IGFBP3: variants seen among roughly 807,000 people sequenced by gnomAD.
IGFBP3 encodes insulin like growth factor binding protein 3.
A neutral mutation model predicts 28.6 loss-of-function variants in IGFBP3; 9 were observed. The ratio of observed to expected loss-of-function variants is 0.31; its 90% CI spans 0.19 to 0.55. The LOEUF (loss-of-function observed/expected upper bound fraction) is 0.55, where lower values mean the gene tolerates loss of function less well. IGFBP3 is among the 20% of genes least tolerant of loss of function. IGFBP3 has a pLI of 0.93. For missense variants in IGFBP3, 382 were observed against 428.9 expected, an observed-to-expected ratio of 0.89 and a Z score of 0.97; for synonymous variants, 185 against 188.2, an observed-to-expected ratio of 0.98 and a Z score of 0.14.
At chr7:45,918,400 G>A (rs1048613353) in intron 1 of IGFBP3, among the ~76,000 whole-genome samples, 1 of 152,186 alleles carries the variant, frequency 6.6e-6, no homozygotes, top group South Asian at 2.1e-4. Flanking sequence ...AGTTGAATTG[G>A]AATTTTAAGT....
At position 45,921,236 on chromosome 7, in the gene IGFBP3, G is replaced by A. The variant is rs1417592750; in HGVS notation, c.-96C>T. On this transcript the variant is annotated 5_prime_UTR_variant, in exon 1 of 5. Transcript: ENST00000613132. ...AAGCTGTGGAATCCAGGCAGGAAGC[G>A]GCTGATCCTCAGCGCCCAGCCGCAG... 2.9e-6 allele frequency: 4 copies of A among 1,387,404 alleles called. No homozygotes were observed. The highest frequency in any genetic ancestry group is 2.0e-5 in the Admixed American group (1 of 49,028). The allele number at this position is 1,387,404 out of a possible 1,614,324, so 85.9% of individuals were successfully genotyped here. A position where few individuals can be genotyped will look rare whatever the true frequency, so the allele number is the denominator to read the frequency against.
chr7:45,916,841 C>G (rs1174641541), intron 2 of IGFBP3, among the ~76,000 whole-genome samples, 174 bp from the exon 3 acceptor site: 1 of 152,192 alleles, frequency 6.6e-6, no homozygotes, highest in Non-Finnish European at 1.5e-5. Flanking sequence ...CCATCACTCC[C>G]TGTCTCCTTT....
chr7:45,917,899 GA>G (rs892016897), intron 1 of IGFBP3, among the ~76,000 whole-genome samples: 2 of 152,182 alleles, frequency 1.3e-5, no homozygotes, highest in African/African-American at 4.8e-5. Context: ...CTCCACTCCG[GA>G]AACGCTGGAG....
intron 4 of IGFBP3, chr7:45,914,431 G>A (rs192163626): frequency 3.2e-5 from 5 of 157,894 alleles, no homozygotes; most frequent in East Asian, 3.7e-4. Flanking sequence ...AGGTTCTTGC[G>A]GATTAAAACG....
rs1784558154 is a variant in IGFBP3 at position 45,912,547 on chromosome 7, G to A, written c.*1303C>T. On this transcript the variant is annotated 3_prime_UTR_variant, in exon 5 of 5. Transcript: ENST00000613132. ...ACACCGAGGTCTGCAGCAGGGCAGA[G>A]TCTCCCTGAGCCTGACTTTGCCAGA... 1 of 152,536 alleles carries A rather than the reference G, an allele frequency of 6.6e-6. No individual in the cohort carries two copies. The highest frequency in any genetic ancestry group is 2.4e-5 in the African/African-American group (1 of 41,448). 9.4% of individuals were successfully genotyped at this position (152,536 alleles called of 1,614,324 possible). A position where few individuals can be genotyped will look rare whatever the true frequency, so the allele number is the denominator to read the frequency against.
Position 45,920,827 on chromosome 7 carries a change from T to G in IGFBP3, c.314A>C (p.Gln105Pro). 1 of 1,408,074 alleles carries G rather than the reference T, an allele frequency of 7.1e-7. No homozygotes were observed. Among genetic ancestry groups the G allele is most frequent in the Non-Finnish European group, 9.2e-7 (1 of 1,089,906 alleles). 87.2% of individuals were successfully genotyped at this position (1,408,074 alleles called of 1,614,324 possible). The part of the protein sequence containing the change: ...QPSPDEARPL[Q>P]ALLDGRGLCV... ...GAGCCCGCGGCCGTCCAGCAGCGCCTGCAGCGGTCGCGCCTCGTCGGGCGA... is the reference window on the plus strand; with the variant it reads ...GAGCCCGCGGCCGTCCAGCAGCGCCGGCAGCGGTCGCGCCTCGTCGGGCGA... Residue 105 changes from glutamine to proline, a missense_variant, in exon 1 of 5, where the codon CAG becomes CCG. Physicochemically the swap from Gln to Pro is moderately conservative, Grantham distance 76. Coordinates refer to ENST00000613132, the MANE Select transcript of IGFBP3 (RefSeq NM_000598.5).
chr7:45,919,185 C>T (rs1562581828), intron 1 of IGFBP3, among the ~76,000 whole-genome samples: 1 of 152,038 alleles, frequency 6.6e-6, no homozygotes, highest in African/African-American at 2.4e-5. Flanking sequence ...GAAAATTTAC[C>T]TTTTTTTGTC....
chr7:45,919,311 T>C (rs144494388), intron 1 of IGFBP3, among the ~76,000 whole-genome samples: 39 of 152,346 alleles, frequency 2.6e-4, no homozygotes, highest in African/African-American at 9.4e-4. Context: ...AGAATGACGA[T>C]GTGTATCAGT....
intron 4 of IGFBP3, 46 bp downstream of exon 4, chr7:45,914,759 G>A: frequency 2.5e-6 from 4 of 1,594,274 alleles, no homozygotes; most frequent in Non-Finnish European, 3.4e-6. Context: ...CTGGTCCAAG[G>A]ACAGTGAGGC....
In IGFBP3 at chr7:45,921,101, T is replaced by G. The variant is rs1784684279; in HGVS notation, c.40A>C (p.Thr14Pro). 6.7e-7 allele frequency: 1 copy of G among 1,485,314 alleles called. No homozygotes were observed. The highest frequency in any genetic ancestry group is 8.9e-7 in the Non-Finnish European group (1 of 1,124,816). 92.0% of individuals were successfully genotyped at this position (1,485,314 alleles called of 1,614,324 possible). ...ARPTLWAAAL[T>P]LLVLLRGPPV... ...GGCCCGCGGAGCAGCACCAGCAGAG[T>G]CAGCGCAGCGGCCCAGAGCGTGGGT... The change falls in exon 1 of 5, where the codon ACT becomes CCT. Residue 14 changes from threonine (T) to proline (P), a missense_variant. Coordinates refer to ENST00000613132, the MANE Select transcript of IGFBP3 (RefSeq NM_000598.5).
chr7:45,920,590 C>G, intron 1 of IGFBP3, 148 bp downstream of exon 1: 1 of 800,778 alleles, frequency 1.2e-6, no homozygotes, highest in Non-Finnish European at 1.7e-6. Flanking sequence ...CCGCCTTCAC[C>G]TTTCCCGGAG....
At position 45,917,200 on chromosome 7, in the gene IGFBP3, G is replaced by A. The variant is rs561556536; in HGVS notation, c.630+13C>T. The A allele has an allele frequency of 7.5e-6, 12 of 1,599,898 alleles. No homozygotes were observed. Among genetic ancestry groups the A allele is most frequent in the African/African-American group, 5.4e-5 (4 of 74,714 alleles). On this transcript the variant is annotated intron_variant, in intron 2 of 4. Coordinates refer to ENST00000613132, the MANE Select transcript of IGFBP3 (RefSeq NM_000598.5). ...TCTTGCCCTCCTCCTTTAACAAGAGGAAAAGCTCTCACATATTCTGTCTCC... is the reference window on the plus strand; with the variant it reads ...TCTTGCCCTCCTCCTTTAACAAGAGAAAAAGCTCTCACATATTCTGTCTCC...
chr7:45,917,445 A>G lies in IGFBP3; in HGVS notation c.404-6T>C, dbSNP rs1298721438. On this transcript the variant is annotated splice_polypyrimidine_tract_variant and splice_region_variant and intron_variant, in intron 1 of 4. Coordinates refer to ENST00000613132, the MANE Select transcript of IGFBP3 (RefSeq NM_000598.5). The stretch of plus-strand genomic sequence containing the variant: ...CTCCGACTCACTAGCATTTCCTTAA[A>G]ACGCCCAAGAGAGACAAACACATGA... 1 of 1,601,466 alleles carries G rather than the reference A, an allele frequency of 6.2e-7. No homozygotes were observed. Among genetic ancestry groups the G allele is most frequent in the Non-Finnish European group, 8.5e-7 (1 of 1,172,822 alleles).
rs893275957 is a variant in IGFBP3 at position 45,920,925 on chromosome 7, C to A, written c.216G>T (p.Thr72=). 7 of 1,413,424 alleles carry A rather than the reference C, an allele frequency of 5.0e-6. No individual in the cohort carries two copies. The highest frequency in any genetic ancestry group is 5.5e-6 in the Non-Finnish European group (6 of 1,089,628). 87.6% of individuals were successfully genotyped at this position (1,413,424 alleles called of 1,614,324 possible). A position where few individuals can be genotyped will look rare whatever the true frequency, so the allele number is the denominator to read the frequency against. ...VREPGCGCCL[T]CALSEGQPCG... Reference sequence around the variant, plus strand: ...ACGGCTGGCCCTCGCTCAGTGCGCACGTCAGGCAGCAGCCGCAGCCCGGCT... The same window carrying A: ...ACGGCTGGCCCTCGCTCAGTGCGCAAGTCAGGCAGCAGCCGCAGCCCGGCT... Residue 72 remains threonine, a synonymous_variant, in exon 1 of 5, where the codon ACG becomes ACT. Coordinates refer to ENST00000613132, the MANE Select transcript of IGFBP3 (RefSeq NM_000598.5).
chr7:45,920,926 G>A lies in IGFBP3; in HGVS notation c.215C>T (p.Thr72Met), dbSNP rs1391265021. ...CGGCTGGCCCTCGCTCAGTGCGCAC[G>A]TCAGGCAGCAGCCGCAGCCCGGCTC... ...VREPGCGCCL[T>M]CALSEGQPCG... Residue 72 changes from threonine to methionine, a missense_variant, in exon 1 of 5, where the codon ACG becomes ATG. Physicochemically the swap from Thr to Met is moderately conservative, Grantham distance 81. Transcript: ENST00000613132. 2 of 1,413,628 alleles carry A rather than the reference G, an allele frequency of 1.4e-6. No homozygotes were observed. The highest frequency in any genetic ancestry group is 1.5e-5 in the South Asian group (1 of 67,736). 87.6% of individuals were successfully genotyped at this position (1,413,628 alleles called of 1,614,324 possible). A position where few individuals can be genotyped will look rare whatever the true frequency, so the allele number is the denominator to read the frequency against.
At chr7:45,915,093 T>C (rs10255707) in intron 3 of IGFBP3, 148 bp from the exon 4 acceptor site, 697,760 of 888,058 alleles carry the variant, frequency 0.79, 277,786 homozygotes, top group African/African-American at 0.94. Flanking sequence ...ACAAGAGCCA[T>C]GCGTGCCTAG....
chr7:45,916,997 G>A (rs2116577858), intron 2 of IGFBP3: 1 of 589,152 alleles, frequency 1.7e-6, no homozygotes, highest in East Asian at 2.8e-5. Context: ...ATGCTTTTAA[G>A]AGTGTTATTT....
Sources: allele counts gnomAD v4.1 joint callset (sites outside exome capture counted in the v4.1 genomes callset), GRCh38; gene constraint gnomAD v4.1.1; transcripts MANE v1.5; gene names NCBI Gene and HGNC (gene_info 2026-07-23, HGNC 2026-07-21).